Variants in ARHGAP10 observed in about 807,000 individuals in gnomAD.
The protein encoded by ARHGAP10 is Rho GTPase activating protein 10, also known as rho GTPase-activating protein 10.
In ARHGAP10, 87 loss-of-function variants were observed where a neutral mutation model predicts 108.6. The observed-to-expected ratio is 0.80, with a 90% CI of 0.67 to 0.96. ARHGAP10 has a LOEUF of 0.96. ARHGAP10 is among the 40% of genes least tolerant of loss of function. The probability of loss-of-function intolerance (pLI) is 0.00; values close to 1 mark genes in which losing one functional copy is unlikely to be tolerated. For missense variants in ARHGAP10, 939 were observed against 954.5 expected (o/e 0.98, Z 0.21); for synonymous variants, 347 against 341.1 (o/e 1.02, Z -0.19).
At chr4:147,975,787 C>G (rs1223888171) in intron 18 of ARHGAP10, among the ~76,000 whole-genome samples, 2 of 152,226 alleles carry the variant, frequency 1.3e-5, no homozygotes, top group African/African-American at 4.8e-5. Context: ...CATATGAACT[C>G]TGAGGGATGC....
intron 18 of ARHGAP10, among the ~76,000 whole-genome samples, chr4:148,005,289 A>T (rs967972206): frequency 2.6e-5 from 4 of 152,198 alleles, no homozygotes; most frequent in African/African-American, 7.2e-5. Flanking sequence ...TTGTGTATTC[A>T]CATACATATA....
At chr4:147,859,326 G>A (rs892531647) in intron 5 of ARHGAP10, among the ~76,000 whole-genome samples, 2 of 146,816 alleles carry the variant, frequency 1.4e-5, no homozygotes, top group Admixed American at 6.9e-5. Context: ...AGGCTGGAGT[G>A]CAATGGTTAG....
chr4:147,847,130 G>GT (rs749434281), intron 3 of ARHGAP10, 21 bp from the exon 4 acceptor site: 9 of 1,600,382 alleles, frequency 5.6e-6, no homozygotes, highest in Middle Eastern at 1.7e-4. Flanking sequence ...GTGCTCTTTT[G>GT]TTATCACTCT....
intron 13 of ARHGAP10, among the ~76,000 whole-genome samples, chr4:147,934,396 C>G (rs1319382306): frequency 6.6e-6 from 1 of 152,178 alleles, no homozygotes; most frequent in East Asian, 1.9e-4. Context: ...CACAGAGAGA[C>G]TTTGATGGTG....
intron 12 of ARHGAP10, among the ~76,000 whole-genome samples, chr4:147,910,070 T>C (rs574544009): frequency 4.5e-4 from 69 of 152,238 alleles, no homozygotes; most frequent in African/African-American, 1.6e-3. Flanking sequence ...TGCAGTGGCA[T>C]GGTCTTGGAT....
chr4:147,906,607 G>A, intron 10 of ARHGAP10, 31 bp from the exon 11 acceptor site: 1 of 1,609,632 alleles, frequency 6.2e-7, no homozygotes, highest in Non-Finnish European at 8.5e-7. Flanking sequence ...GTGGCCAAGG[G>A]GTAACCTGAT....
chr4:147,950,824 G>T (rs550331059), intron 15 of ARHGAP10, among the ~76,000 whole-genome samples: 1 of 152,252 alleles, frequency 6.6e-6, no homozygotes, highest in Admixed American at 6.5e-5. Flanking sequence ...GTTTTCTGTT[G>T]TGAGGGGACA....
At chr4:147,919,777 C>G (rs1270171817) in intron 13 of ARHGAP10, among the ~76,000 whole-genome samples, 2 of 151,948 alleles carry the variant, frequency 1.3e-5, no homozygotes, top group Non-Finnish European at 2.9e-5. Context: ...GGTGGTGTTT[C>G]ACCATGTTGG....
In ARHGAP10 at chr4:147,991,509, G is replaced by C. The variant is rs1451802221; in HGVS notation, c.1716+24670G>C. Among the ~76,000 whole-genome samples, 9 of 152,306 alleles carry C rather than the reference G, an allele frequency of 5.9e-5. No homozygotes were observed. In the South Asian group the frequency reaches 8.3e-4, roughly 14 times the overall value. On this transcript the variant is annotated intron_variant, in intron 18 of 22. Coordinates refer to ENST00000336498, the MANE Select transcript of ARHGAP10 (RefSeq NM_024605.4). ...TCAGTCCAAGAAAGCCCAGGTATTA[G>C]AGACTAAGTGCCCAAGGTTTTTGTT...
chr4:147,870,372 T>C (rs1045328183), intron 7 of ARHGAP10, among the ~76,000 whole-genome samples: 3 of 152,186 alleles, frequency 2.0e-5, no homozygotes, highest in African/African-American at 7.2e-5. Context: ...CATATATGTA[T>C]TTTAGGAAAC....
chr4:148,005,564 A>G (rs1206581039), intron 18 of ARHGAP10, among the ~76,000 whole-genome samples: 3 of 152,242 alleles, frequency 2.0e-5, no homozygotes, highest in African/African-American at 7.2e-5. Flanking sequence ...AATGTATATT[A>G]AAAAACAAAT....
At chr4:147,922,019 C>CCCTCCTGCA (rs147565214) in intron 13 of ARHGAP10, among the ~76,000 whole-genome samples, 10 of 152,112 alleles carry the variant, frequency 6.6e-5, no homozygotes, top group East Asian at 1.9e-4. Flanking sequence ...TCTCCCCTGC[C>CCCTCCTGCA]CCTCCTGCAC....
chr4:147,841,770 T>C (rs1347141528), intron 3 of ARHGAP10, among the ~76,000 whole-genome samples: 1 of 152,198 alleles, frequency 6.6e-6, no homozygotes, highest in Non-Finnish European at 1.5e-5. Flanking sequence ...CAGGCTTTGC[T>C]AAAGAAGGAA....
At chr4:147,944,498 A>G (rs1216982784) in intron 14 of ARHGAP10, among the ~76,000 whole-genome samples, 3 of 152,244 alleles carry the variant, frequency 2.0e-5, no homozygotes, top group African/African-American at 7.2e-5. Flanking sequence ...AGAAAGTTTC[A>G]GCCCAACATT....
chr4:147,988,494 C>G (rs1416181093), intron 18 of ARHGAP10, among the ~76,000 whole-genome samples: 14 of 152,152 alleles, frequency 9.2e-5, no homozygotes, highest in Admixed American at 9.2e-4. Flanking sequence ...TTTCCTCTAT[C>G]TAGCTCTGAA....
intron 10 of ARHGAP10, among the ~76,000 whole-genome samples, chr4:147,893,650 T>A (rs1053454283): frequency 1.3e-5 from 2 of 150,462 alleles, no homozygotes; most frequent in Non-Finnish European, 3.0e-5. Context: ...AACCATAGTT[T>A]AATTTGGTTA....
intron 4 of ARHGAP10, among the ~76,000 whole-genome samples, chr4:147,855,719 G>T (rs1734059765): frequency 7.0e-6 from 1 of 143,562 alleles, no homozygotes; most frequent in African/African-American, 2.6e-5. Flanking sequence ...TGTGCAGCTA[G>T]TTGGTAATTA....
intron 13 of ARHGAP10, among the ~76,000 whole-genome samples, chr4:147,923,655 G>A (rs1294843322): frequency 6.6e-6 from 1 of 152,166 alleles, no homozygotes; most frequent in African/African-American, 2.4e-5. Flanking sequence ...TACAAGATTT[G>A]ACAATCTTTC....
intron 10 of ARHGAP10, among the ~76,000 whole-genome samples, chr4:147,886,032 T>A (rs1402050337): frequency 6.6e-6 from 1 of 152,180 alleles, no homozygotes; most frequent in East Asian, 1.9e-4. Flanking sequence ...ATGCACAAAA[T>A]TATTAAAAAT....
Sources: allele counts gnomAD v4.1 joint callset (sites outside exome capture counted in the v4.1 genomes callset), GRCh38; gene constraint gnomAD v4.1.1; transcripts MANE v1.5; gene names NCBI Gene and HGNC (gene_info 2026-07-23, HGNC 2026-07-21).